Variants in ZFHX2 observed in about 807,000 individuals in gnomAD.
ZFHX2 encodes the protein zinc finger homeobox protein 2.
Under a neutral mutation model 164.8 loss-of-function variants are expected in ZFHX2, and 75 were observed. The observed-to-expected ratio is 0.46, with a 90% CI of 0.38 to 0.55. ZFHX2 has a LOEUF of 0.55. Among genes scored for constraint, ZFHX2 ranks in the 20% least tolerant of loss-of-function variants. The pLI, the probability that ZFHX2 is intolerant of heterozygous loss-of-function variation, is 0.00. For missense variants in ZFHX2, 2,933 were observed against 3,308.0 expected, an observed-to-expected ratio of 0.89 and a Z score of 2.78; for synonymous variants, 1,217 against 1,351.4, an observed-to-expected ratio of 0.90 and a Z score of 2.18.
rs752231617 is a variant in ZFHX2 at position 23,526,900 on chromosome 14, T to G, written c.3209A>C (p.Gln1070Pro). Reference sequence around the variant, plus strand: ...CTCTGGCCCATGAGTGGGGGGTTCTTGGCCATTGTCCAGAGGGCTTAATGT... The same window carrying G: ...CTCTGGCCCATGAGTGGGGGGTTCTGGGCCATTGTCCAGAGGGCTTAATGT... ...APTLSPLDNG[Q>P]EPPTHGPEPT... Residue 1070 changes from glutamine (Q) to proline (P), a missense_variant, in exon 8 of 10, where the codon CAA becomes CCA. By Grantham distance (76) the Gln-to-Pro change is moderately conservative. Coordinates refer to ENST00000419474, the MANE Select transcript of ZFHX2 (RefSeq NM_033400.3). The G allele has an allele frequency of 6.5e-7, 1 of 1,534,812 alleles. No homozygotes were observed. The highest frequency in any genetic ancestry group is 8.7e-7 in the Non-Finnish European group (1 of 1,146,380).
intron 1 of ZFHX2, among the ~76,000 whole-genome samples, chr14:23,544,651 C>T (rs969338149): frequency 2.6e-5 from 4 of 152,120 alleles, no homozygotes; most frequent in Non-Finnish European, 5.9e-5. Flanking sequence ...CTGGCGCGGG[C>T]GTGTTTAGGG....
In ZFHX2 at chr14:23,522,663, G is replaced by A. The variant is rs757503023; in HGVS notation, c.7018C>T (p.Leu2340=). The A allele has an allele frequency of 5.9e-5, 91 of 1,536,488 alleles. 2 individuals are homozygous for A. In the South Asian group the frequency reaches 9.9e-4, roughly 17 times the overall value. The change falls in exon 10 of 10, where the codon CTG becomes TTG. Residue 2340 remains leucine (L), a synonymous_variant. Coordinates refer to ENST00000419474, the MANE Select transcript of ZFHX2 (RefSeq NM_033400.3). ...LKALKTTVPA[L]LGGQFLPFPL... The stretch of plus-strand genomic sequence containing the variant: ...AAGGGCAGGAACTGGCCCCCCAACA[G>A]GGCTGGGACAGTGGTCTTCAATGCT...
rs1879752717 is a variant in ZFHX2, at chr14:23,533,013, G to C, written c.2113C>G (p.Pro705Ala). The change falls in exon 3 of 10, where the codon CCC becomes GCC. Residue 705 changes from proline to alanine, a missense_variant. Pro to Ala is a conservative substitution (Grantham distance 27). Transcript: ENST00000419474. This position sits in a 1 kb window ranked among gnomAD's most constrained non-coding sequence, Gnocchi z 4.8. ...CTGTCGTCTGGGGGTGGTGAGGTGG[G>C]CAGGCTGTCAGATGAGGAACCCAGG... ...QLLGSSSDSL[P>A]TSPPPDDSLS... The C allele has an allele frequency of 6.5e-7, 1 of 1,536,114 alleles. No homozygotes were observed. The highest frequency in any genetic ancestry group is 8.7e-7 in the Non-Finnish European group (1 of 1,146,868).
chr14:23,553,626 G>A (rs975653463), upstream of ZFHX2, among the ~76,000 whole-genome samples: 1 of 151,844 alleles, frequency 6.6e-6, no homozygotes, highest in Non-Finnish European at 1.5e-5. Context: ...CGGGCGTGGT[G>A]GCTCACACCT....
chr14:23,545,435 CCTTT>C lies in ZFHX2; in HGVS notation c.-50+5904_-50+5907del, dbSNP rs149625302. ...GTCCTCACAGCCTACTGCACTCCTT[CCTTT>C]CTCATTTAAATTGTGGCCATCTCTC... On this transcript the variant is annotated intron_variant, in intron 1 of 9. Coordinates refer to ENST00000419474, the MANE Select transcript of ZFHX2 (RefSeq NM_033400.3). Among the ~76,000 whole-genome samples, 192 of 152,306 alleles carry C rather than the reference CCTTT, an allele frequency of 1.3e-3. 2 individuals are homozygous for C. The highest frequency in any genetic ancestry group is 4.6e-3 in the African/African-American group (190 of 41,572).
Position 23,532,618 on chromosome 14 carries a change from C to T in ZFHX2, c.2508G>A (p.Met836Ile), listed in dbSNP as rs1476005584. Residue 836 changes from methionine (M) to isoleucine (I), a missense_variant, in exon 3 of 10, where the codon ATG (methionine) becomes ATA (isoleucine). Coordinates refer to ENST00000419474, the MANE Select transcript of ZFHX2 (RefSeq NM_033400.3). ...GGGCTGCACCCCTGGCATGCAGCTGCATCTTCTCCTTGCTGTTGGACTCAA... is the reference window on the plus strand; with the variant it reads ...GGGCTGCACCCCTGGCATGCAGCTGTATCTTCTCCTTGCTGTTGGACTCAA... ...CDFESNSKEK[M>I]QLHARGAAHE... 2.7e-6 allele frequency: 4 copies of T among 1,459,358 alleles called. No individual in the cohort carries two copies. Among genetic ancestry groups the T allele is most frequent in the Non-Finnish European group, 9.0e-7 (1 of 1,107,844 alleles). 90.4% of individuals were successfully genotyped at this position (1,459,358 alleles called of 1,614,324 possible). A position where few individuals can be genotyped will look rare whatever the true frequency, so the allele number is the denominator to read the frequency against.
chr14:23,543,941 A>G (rs1209050076), intron 1 of ZFHX2: 1 of 152,170 alleles, frequency 6.6e-6, no homozygotes, highest in African/African-American at 2.4e-5. Context: ...AGTTGCGTAA[A>G]GTCTCAATTT....
chr14:23,529,978 A>G (rs923898354), intron 5 of ZFHX2, 142 bp downstream of exon 5: 1 of 1,009,862 alleles, frequency 9.9e-7, no homozygotes, highest in East Asian at 2.6e-5. Context: ...CTCGTGGCTC[A>G]GCCTCCCTTC....
chr14:23,535,045 T>G lies in ZFHX2; in HGVS notation c.281A>C (p.Lys94Thr). 3 of 1,536,158 alleles carry G rather than the reference T, an allele frequency of 2.0e-6. No individual in the cohort carries two copies. The highest frequency in any genetic ancestry group is 2.4e-5 in the South Asian group (2 of 84,064). Residue 94 changes from lysine to threonine, a missense_variant, in exon 2 of 10, where the codon AAG becomes ACG. Physicochemically the swap from Lys to Thr is moderately conservative, Grantham distance 78 (BLOSUM62 -1). Transcript: ENST00000419474. This position sits in a 1 kb window ranked among gnomAD's most constrained non-coding sequence, Gnocchi z 4.5. The stretch of plus-strand genomic sequence containing the variant: ...TTCTTCCTCCTCCTGCTCCTTGTCC[T>G]TTTCCACCCCTGGGTCATTTGGTGG... Reference protein sequence around the residue: ...HFPPNDPGVEKDKEQEEEEEG... With the variant: ...HFPPNDPGVETDKEQEEEEEG...
At position 23,532,869 on chromosome 14, in the gene ZFHX2, C is replaced by T. The variant is rs1231408847; in HGVS notation, c.2257G>A (p.Val753Met). 1 of 1,536,270 alleles carries T rather than the reference C, an allele frequency of 6.5e-7. No individual in the cohort carries two copies. Among genetic ancestry groups the T allele is most frequent in the Admixed American group, 2.0e-5 (1 of 51,012 alleles). Reference sequence around the variant, plus strand: ...TTGCAGCGGTGGGTGTCACCAGCCACCTCCTTCCATTCAGCTTCCGGGAGG... The same window carrying T: ...TTGCAGCGGTGGGTGTCACCAGCCATCTCCTTCCATTCAGCTTCCGGGAGG... Reference protein sequence around the residue: ...RSLPEAEWKEVAGDTHRCKLC... With the variant: ...RSLPEAEWKEMAGDTHRCKLC... The change falls in exon 3 of 10, where the codon GTG becomes ATG. Residue 753 changes from valine (V) to methionine (M), a missense_variant. Transcript: ENST00000419474.
chr14:23,539,306 A>G (rs1440515236), intron 1 of ZFHX2, among the ~76,000 whole-genome samples: 1 of 152,224 alleles, frequency 6.6e-6, no homozygotes, highest in African/African-American at 2.4e-5. Flanking sequence ...TTCAAGGCTC[A>G]GCCAGGGAGT....
chr14:23,525,826 GA>G lies in ZFHX2; in HGVS notation c.4115del (p.Leu1372ProfsTer7). ...QLLLPFYLHD[L>X]KVGPKLTLAG... ...CTAGTGTCAGCTTGGGCCCCACCTT[GA>G]GATCGTGGAGGTAGAAGGGCAGGAG... On this transcript the variant is annotated frameshift_variant, in exon 9 of 10. Transcript: ENST00000419474. LOFTEE classifies it high-confidence loss of function. This position sits in a 1 kb window ranked among gnomAD's most constrained non-coding sequence, Gnocchi z 5.9. The G allele has an allele frequency of 6.9e-7, 1 of 1,458,508 alleles. No individual in the cohort carries two copies. The highest frequency in any genetic ancestry group is 9.0e-7 in the Non-Finnish European group (1 of 1,111,150). The allele number at this position is 1,458,508 out of a possible 1,614,324, so 90.3% of individuals were successfully genotyped here.
chr14:23,523,990 C>A lies in ZFHX2; in HGVS notation c.5952G>T (p.Gly1984=). 6.6e-7 allele frequency: 1 copy of A among 1,524,590 alleles called. No homozygotes were observed. Among genetic ancestry groups the A allele is most frequent in the Non-Finnish European group, 8.8e-7 (1 of 1,139,998 alleles). The allele number at this position is 1,524,590 out of a possible 1,614,324, so 94.4% of individuals were successfully genotyped here. Residue 1984 remains glycine (G), a synonymous_variant, in exon 9 of 10, where the codon GGG becomes GGT. Transcript: ENST00000419474. This position sits in a 1 kb window ranked among gnomAD's most constrained non-coding sequence, Gnocchi z 4.1. ...CTGGTGTTGGGGTGGTGGCCTCTTT[C>A]CCAGGTGGTAGGAAAGGCTGGGGCC... ...ASGPQPFLPP[G]KEATTPTPEP...
At chr14:23,545,822 G>A (rs1451908514) in intron 1 of ZFHX2, among the ~76,000 whole-genome samples, 1 of 152,180 alleles carries the variant, frequency 6.6e-6, no homozygotes, top group East Asian at 1.9e-4. Flanking sequence ...AGAAGACAGA[G>A]GCTTGAGATT....
upstream of ZFHX2, among the ~76,000 whole-genome samples, chr14:23,554,540 C>A (rs1203332407): frequency 6.8e-6 from 1 of 146,614 alleles, no homozygotes; most frequent in African/African-American, 2.7e-5. Context: ...CCACACCCGG[C>A]TAATTAAAAT....
At chr14:23,554,240 G>C (rs894072801), upstream of ZFHX2, among the ~76,000 whole-genome samples, 4 of 152,076 alleles carry the variant, frequency 2.6e-5, no homozygotes, top group African/African-American at 9.7e-5. Context: ...CTTCATCCCA[G>C]GTTAACAAAA....
chr14:23,553,442 A>G (rs1382287861), upstream of ZFHX2, among the ~76,000 whole-genome samples: 1 of 151,848 alleles, frequency 6.6e-6, no homozygotes, highest in Non-Finnish European at 1.5e-5. Flanking sequence ...TCTACTAAAA[A>G]TACAAAATTA....
rs1183896592 is a variant in ZFHX2, at chr14:23,533,187, T to C, written c.2041+98A>G. 5.6e-6 allele frequency: 8 copies of C among 1,437,624 alleles called. No homozygotes were observed. Among genetic ancestry groups the C allele is most frequent in the Non-Finnish European group, 6.4e-6 (7 of 1,100,150 alleles). The allele number at this position is 1,437,624 out of a possible 1,614,324, so 89.1% of individuals were successfully genotyped here. A position where few individuals can be genotyped will look rare whatever the true frequency, so the allele number is the denominator to read the frequency against. On this transcript the variant is annotated intron_variant, in intron 2 of 9. Transcript: ENST00000419474. This position sits in a 1 kb window ranked among gnomAD's most constrained non-coding sequence, Gnocchi z 4.8. ...TGAGTAGGATAGTGCTCAGAGGGACTTATGGTTACCTAAGTGGGGAGTTGG... is the reference window on the plus strand; with the variant it reads ...TGAGTAGGATAGTGCTCAGAGGGACCTATGGTTACCTAAGTGGGGAGTTGG...
Position 23,522,554 on chromosome 14 carries a change from C to T in ZFHX2, c.7127G>A (p.Gly2376Asp). The change falls in exon 10 of 10, where the codon GGC becomes GAC. Residue 2376 changes from glycine to aspartate, a missense_variant. Physicochemically the swap from Gly to Asp is moderately conservative, Grantham distance 94. Transcript: ENST00000419474. ...LQGAYFQQLY[G>D]MKKGLFPMNP... ...CATGGGAAATAGCCCCTTCTTCATG[C>T]CATAGAGCTGTTGGAAGTAGGCCCC... 1 of 1,527,814 alleles carries T rather than the reference C, an allele frequency of 6.5e-7. No homozygotes were observed. The allele number at this position is 1,527,814 out of a possible 1,614,324, so 94.6% of individuals were successfully genotyped here. A position where few individuals can be genotyped will look rare whatever the true frequency, so the allele number is the denominator to read the frequency against.
Sources: gnomAD v4.1 joint callset for allele counts (sites outside exome capture counted in the v4.1 genomes callset) on GRCh38, gnomAD v4.1.1 for gene constraint, Gnocchi (gnomAD v3.1) non-coding constraint, MANE v1.5 for transcripts, NCBI Gene and HGNC (gene_info 2026-07-23, HGNC 2026-07-21) for gene names.